PHACTR4: variants seen among roughly 807,000 people sequenced by gnomAD.
PHACTR4 encodes the protein protein phosphatase 1, regulatory subunit 124.
Under a neutral mutation model 72.7 loss-of-function variants are expected in PHACTR4, and 51 were observed. That is an observed-to-expected ratio of 0.70 (90% CI 0.56 to 0.89). PHACTR4 has a LOEUF of 0.89. Among genes scored for constraint, PHACTR4 ranks in the 40% least tolerant of loss-of-function variants. PHACTR4 has a pLI of 0.00. For missense variants in PHACTR4, 731 were observed against 861.8 expected (o/e 0.85, Z 1.90); for synonymous variants, 255 against 302.5 (o/e 0.84, Z 1.63).
chr1:28,483,972 C>G (rs1003657951), intron 9 of PHACTR4, among the ~76,000 whole-genome samples: 2 of 152,004 alleles, frequency 1.3e-5, no homozygotes, highest in African/African-American at 4.8e-5. Flanking sequence ...GGAAGAATTG[C>G]TTGAGGCCAG....
At chr1:28,479,443 C>T (rs1660130249) in intron 8 of PHACTR4, among the ~76,000 whole-genome samples, 1 of 148,594 alleles carries the variant, frequency 6.7e-6, no homozygotes, top group South Asian at 2.1e-4. Context: ...AAAAGCCAGG[C>T]ATGGTGACAG....
chr1:28,448,109 G>A lies in PHACTR4; in HGVS notation c.17-10976G>A, dbSNP rs114410762. ...TGAAAAGGTTGTTTATAGCAAATCT[G>A]TTTCCAGCTAGGTGGGCTTAAAAAC... On this transcript the variant is annotated intron_variant, in intron 2 of 13. Coordinates refer to ENST00000373839, the MANE Select transcript of PHACTR4 (RefSeq NM_001048183.3). 1.4e-3 allele frequency among the ~76,000 whole-genome samples: 218 copies of A among 152,310 alleles called. 1 individual carries two copies. Among genetic ancestry groups the A allele is most frequent in the African/African-American group, 5.1e-3 (210 of 41,584 alleles).
chr1:28,481,090 G>A (rs1373989601), intron 9 of PHACTR4, among the ~76,000 whole-genome samples: 1 of 151,986 alleles, frequency 6.6e-6, no homozygotes, highest in Non-Finnish European at 1.5e-5. Context: ...GGAGTGCAGT[G>A]GTTCAATCAT....
At chr1:28,435,738 A>G (rs1656590429) in intron 2 of PHACTR4, among the ~76,000 whole-genome samples, 2 of 152,244 alleles carry the variant, frequency 1.3e-5, no homozygotes, top group Non-Finnish European at 1.5e-5. Flanking sequence ...CATGATGATG[A>G]TGATGGTGAT....
chr1:28,435,645 C>T lies in PHACTR4; in HGVS notation c.17-23440C>T, dbSNP rs74457015. ...GGTGAAGTAACTTGTCTAGTGTTAACACTTAATAAGTGGTAGAGCTGGAAT... is the reference window on the plus strand; with the variant it reads ...GGTGAAGTAACTTGTCTAGTGTTAATACTTAATAAGTGGTAGAGCTGGAAT... On this transcript the variant is annotated intron_variant, in intron 2 of 13. Coordinates refer to ENST00000373839, the MANE Select transcript of PHACTR4 (RefSeq NM_001048183.3). Among the ~76,000 whole-genome samples the T allele has an allele frequency of 7.3e-3, 1,114 of 152,322 alleles. 7 individuals carry two copies. Among genetic ancestry groups the T allele is most frequent in the Non-Finnish European group, 0.01 (684 of 68,040 alleles).
Position 28,454,019 on chromosome 1 carries a change from C to T in PHACTR4, c.17-5066C>T, listed in dbSNP as rs138203569. On this transcript the variant is annotated intron_variant, in intron 2 of 13. Transcript: ENST00000373839. ...TCCCTTGAGCTCAGGGGTTTGAGAC[C>T]AGCCTGGGCAAGATAGCAAGACCTT... 4.0e-3 allele frequency: 1,587 copies of T among 393,216 alleles called. 23 individuals are homozygous for T. The highest frequency in any genetic ancestry group is 0.031 in the African/African-American group (1,485 of 47,822). 24.4% of individuals were successfully genotyped at this position (393,216 alleles called of 1,614,324 possible).
At chr1:28,464,741 C>T (rs1463830068) in intron 4 of PHACTR4, among the ~76,000 whole-genome samples, 3 of 151,918 alleles carry the variant, frequency 2.0e-5, no homozygotes, top group Admixed American at 6.6e-5. Context: ...TTTTGCTCTG[C>T]TGCCCAGGCT....
At chr1:28,490,852 A>G (rs1660993865) in intron 10 of PHACTR4, 99 bp from the exon 11 acceptor site, 2 of 1,303,276 alleles carry the variant, frequency 1.5e-6, no homozygotes, top group East Asian at 4.7e-5. Context: ...TCAAAAAAAA[A>G]AAACAAAAAA....
intron 3 of PHACTR4, among the ~76,000 whole-genome samples, chr1:28,459,463 G>C (rs187021982): frequency 7.0e-6 from 1 of 143,712 alleles, no homozygotes; most frequent in Non-Finnish European, 1.5e-5. Flanking sequence ...GTACAGTGGC[G>C]CAATCACAGT....
chr1:28,417,173 G>C (rs191699235), intron 2 of PHACTR4, among the ~76,000 whole-genome samples: 7 of 152,182 alleles, frequency 4.6e-5, no homozygotes, highest in Non-Finnish European at 1.0e-4. Context: ...GATTAGGCCA[G>C]GGGTTTTGTG....
At chr1:28,491,889 C>A in intron 12 of PHACTR4, 102 bp downstream of exon 12, 1 of 1,324,386 alleles carries the variant, frequency 7.6e-7, no homozygotes, top group Non-Finnish European at 1.0e-6. Context: ...AACAAAACTT[C>A]TAGTTTTAAT....
chr1:28,426,659 G>A (rs576722583), intron 2 of PHACTR4, among the ~76,000 whole-genome samples: 3 of 149,966 alleles, frequency 2.0e-5, no homozygotes, highest in South Asian at 2.1e-4. Context: ...GCGAGACTCC[G>A]TCTCAAAAAA....
At chr1:28,399,626 A>C (rs1653797053) in intron 1 of PHACTR4, among the ~76,000 whole-genome samples, 2 of 152,168 alleles carry the variant, frequency 1.3e-5, no homozygotes, top group Non-Finnish European at 2.9e-5. Flanking sequence ...TAGTGTATGC[A>C]CCTTCTAAAT....
chr1:28,430,147 C>T (rs61783836), intron 2 of PHACTR4, among the ~76,000 whole-genome samples: 39,524 of 151,734 alleles, frequency 0.26, 5,282 homozygotes, highest in Middle Eastern at 0.34. Flanking sequence ...CTCAGCCTCC[C>T]GAGTAGCTGG....
In PHACTR4 at chr1:28,444,716, C is replaced by T. The variant is rs915679061; in HGVS notation, c.17-14369C>T. Among the ~76,000 whole-genome samples the T allele has an allele frequency of 1.2e-4, 18 of 146,416 alleles. 1 individual carries two copies. In the South Asian group the frequency reaches 2.2e-3, roughly 18 times the overall value. ...CTGCAAGCTCCACCTCCCGGGTTCA[C>T]GCCATTCTCCTGCCTCAGCCTCCCA... On this transcript the variant is annotated intron_variant, in intron 2 of 13. Transcript: ENST00000373839.
chr1:28,407,370 A>G lies in PHACTR4; in HGVS notation c.-38-40A>G, dbSNP rs574776060. 1.2e-5 allele frequency: 13 copies of G among 1,084,940 alleles called. No individual in the cohort carries two copies. The South Asian group carries it at 1.2e-4, about 10-fold the overall frequency. 67.2% of individuals were successfully genotyped at this position (1,084,940 alleles called of 1,614,324 possible). On this transcript the variant is annotated intron_variant, in intron 1 of 13. Coordinates refer to ENST00000373839, the MANE Select transcript of PHACTR4 (RefSeq NM_001048183.3). ...TTAAAAGCATAAAAGGTGATGGACT[A>G]TATGTATTAAGTGTATCATTTACCT...
At chr1:28,441,206 TTC>T (rs1477302486) in intron 2 of PHACTR4, among the ~76,000 whole-genome samples, 1 of 152,036 alleles carries the variant, frequency 6.6e-6, no homozygotes, top group Non-Finnish European at 1.5e-5. Context: ...TAAGGCATAC[TTC>T]TTTTTTTTTA....
chr1:28,463,626 C>T (rs1658954401), intron 4 of PHACTR4, among the ~76,000 whole-genome samples: 2 of 152,188 alleles, frequency 1.3e-5, no homozygotes, highest in Non-Finnish European at 2.9e-5. Flanking sequence ...CTTACCCCCA[C>T]CCTGTTTTAA....
intron 2 of PHACTR4, among the ~76,000 whole-genome samples, chr1:28,432,026 T>C (rs1300035388): frequency 6.6e-6 from 1 of 151,716 alleles, no homozygotes; most frequent in African/African-American, 2.4e-5. Flanking sequence ...CTGACCAACA[T>C]GGTGAAACCC....
Sources: allele counts gnomAD v4.1 joint callset (sites outside exome capture counted in the v4.1 genomes callset), GRCh38; gene constraint gnomAD v4.1.1; transcripts MANE v1.5; gene names NCBI Gene and HGNC (gene_info 2026-07-23, HGNC 2026-07-21).